RABGEF1: variants seen among roughly 807,000 people sequenced by gnomAD.
RABGEF1 encodes RAB guanine nucleotide exchange factor 1.
RABGEF1 carries 26 observed loss-of-function variants against 57.3 expected under a neutral mutation model. That is an observed-to-expected ratio of 0.45 (90% CI 0.33 to 0.63). The LOEUF (loss-of-function observed/expected upper bound fraction) is 0.63, where lower values mean the gene tolerates loss of function less well. Among genes scored for constraint, RABGEF1 ranks in the 20% least tolerant of loss-of-function variants. The pLI is 0.02. For synonymous variants in RABGEF1, 185 were observed against 210.7 expected (o/e 0.88, Z 1.06); for missense variants, 464 against 607.6 (o/e 0.76, Z 2.48).
At chr7:66,674,348 C>A in the RABGEF1 span, among the ~76,000 whole-genome samples, 2 of 152,088 alleles carry the variant, frequency 1.3e-5, no homozygotes, top group Non-Finnish European at 2.9e-5. Context: ...CACCACCACA[C>A]CTGGCTGATT....
chr7:66,666,632 T>A, the RABGEF1 span, among the ~76,000 whole-genome samples: 1 of 152,210 alleles, frequency 6.6e-6, no homozygotes, highest in Non-Finnish European at 1.5e-5. Context: ...CTGGGGTCCC[T>A]GGCCCAAGGC....
intron 1 of RABGEF1, among the ~76,000 whole-genome samples, chr7:66,753,634 T>A (rs908341612): frequency 6.6e-6 from 1 of 151,972 alleles, no homozygotes; most frequent in Non-Finnish European, 1.5e-5. Context: ...TCCCTGGTAT[T>A]TCTTCCAGTG....
chr7:66,762,533 G>A (rs760528152), intron 1 of RABGEF1, among the ~76,000 whole-genome samples: 10 of 151,996 alleles, frequency 6.6e-5, no homozygotes, highest in Non-Finnish European at 1.3e-4. Flanking sequence ...CGAGTGTTGT[G>A]AGCCATGATC....
At chr7:66,749,307 T>A (rs1222453812) in intron 1 of RABGEF1, among the ~76,000 whole-genome samples, 6 of 152,196 alleles carry the variant, frequency 3.9e-5, no homozygotes, top group Non-Finnish European at 1.5e-5. Context: ...AGAGAGACCA[T>A]CCTTATTCAC....
intron 1 of RABGEF1, among the ~76,000 whole-genome samples, chr7:66,706,297 G>A (rs1794080684): frequency 6.6e-6 from 1 of 152,068 alleles, no homozygotes; most frequent in African/African-American, 2.4e-5. Flanking sequence ...ACATGTCTTA[G>A]TATGAACATA....
At chr7:66,693,896 C>G (rs1172554722) in intron 1 of RABGEF1, among the ~76,000 whole-genome samples, 1 of 152,024 alleles carries the variant, frequency 6.6e-6, no homozygotes, top group Admixed American at 6.6e-5. Context: ...TAACCTCCGC[C>G]TCTGGGGCTC....
chr7:66,674,441 G>T, the RABGEF1 span, among the ~76,000 whole-genome samples: 5 of 151,950 alleles, frequency 3.3e-5, no homozygotes, highest in African/African-American at 1.2e-4. Flanking sequence ...ACCCACTTCG[G>T]CCTCCGAAAG....
chr7:66,701,270 A>G (rs1793217816), intron 1 of RABGEF1, among the ~76,000 whole-genome samples: 1 of 152,294 alleles, frequency 6.6e-6, no homozygotes, highest in Admixed American at 6.5e-5. Context: ...AGGCTGAGGC[A>G]AGAAGATGGC....
intron 1 of RABGEF1, among the ~76,000 whole-genome samples, chr7:66,685,796 A>G (rs1011278666): frequency 3.3e-5 from 5 of 152,242 alleles, no homozygotes; most frequent in East Asian, 1.9e-4. Context: ...GTCTCTGGCT[A>G]GAGACATAGA....
chr7:66,750,175 G>C (rs1801099859), intron 1 of RABGEF1, among the ~76,000 whole-genome samples: 1 of 152,146 alleles, frequency 6.6e-6, no homozygotes. Flanking sequence ...TTTATTTGTA[G>C]TGAGTGCATG....
At chr7:66,776,644 G>A (rs1279203664) in intron 3 of RABGEF1, among the ~76,000 whole-genome samples, 1 of 152,154 alleles carries the variant, frequency 6.6e-6, no homozygotes, top group Non-Finnish European at 1.5e-5. Flanking sequence ...GCAGTGAGCC[G>A]AAATCGTGCC....
intron 1 of RABGEF1, among the ~76,000 whole-genome samples, chr7:66,744,512 C>G (rs1374973992): frequency 6.6e-6 from 1 of 151,328 alleles, no homozygotes; most frequent in South Asian, 2.1e-4. Flanking sequence ...ACTAAAAATA[C>G]AAAAAATTAG....
chr7:66,742,753 C>T (rs1032143676), intron 1 of RABGEF1, among the ~76,000 whole-genome samples: 1 of 152,072 alleles, frequency 6.6e-6, no homozygotes, highest in African/African-American at 2.4e-5. Context: ...ACTGCAGATG[C>T]GTGCCACCAC....
intron 1 of RABGEF1, among the ~76,000 whole-genome samples, chr7:66,697,562 G>A (rs1792535502): frequency 6.6e-6 from 1 of 152,118 alleles, no homozygotes; most frequent in Non-Finnish European, 1.5e-5. Context: ...GCACTTGGCA[G>A]GCGGGGACCA....
chr7:66,769,586 G>A (rs1806576049), intron 1 of RABGEF1, among the ~76,000 whole-genome samples: 1 of 152,186 alleles, frequency 6.6e-6, no homozygotes, highest in African/African-American at 2.4e-5. Flanking sequence ...TCCTTGGCCT[G>A]GACGTAGATG....
intron 1 of RABGEF1, among the ~76,000 whole-genome samples, chr7:66,682,429 A>G (rs1001884458): frequency 6.6e-6 from 1 of 152,126 alleles, no homozygotes; most frequent in Non-Finnish European, 1.5e-5. Context: ...GCCCCGTTTC[A>G]GGCCGCCCTC....
chr7:66,686,946 C>T (rs530359328), intron 1 of RABGEF1, among the ~76,000 whole-genome samples: 155 of 151,568 alleles, frequency 1.0e-3, no homozygotes, highest in African/African-American at 3.6e-3. Context: ...CTCAGCCTCC[C>T]GAGTAGCTGG....
intron 2 of RABGEF1, among the ~76,000 whole-genome samples, chr7:66,735,688 C>T (rs1467118051): frequency 6.6e-6 from 1 of 152,162 alleles, no homozygotes; most frequent in African/African-American, 2.4e-5. Context: ...CTCCCCCTCT[C>T]TCTCTCTTCC....
the RABGEF1 span, among the ~76,000 whole-genome samples, chr7:66,657,622 A>G: frequency 2.1e-4 from 32 of 152,300 alleles, no homozygotes; most frequent in Admixed American, 2.1e-3. Context: ...GGAGTTCAAG[A>G]CCAGTCTAAC....
Sources: allele counts gnomAD v4.1 joint callset (sites outside exome capture counted in the v4.1 genomes callset), GRCh38; gene constraint gnomAD v4.1.1; transcripts MANE v1.5; gene names NCBI Gene and HGNC (gene_info 2026-07-23, HGNC 2026-07-21).